The following SMC1B variants were observed in gnomAD, a reference collection of about 807,000 sequenced individuals.
SMC1B encodes the protein structural maintenance of chromosomes protein 1B.
In SMC1B, 60 loss-of-function variants were observed where a neutral mutation model predicts 157.9. That is an observed-to-expected ratio of 0.38 (90% CI 0.31 to 0.47). SMC1B has a LOEUF of 0.47. Among genes scored for constraint, SMC1B ranks in the 20% least tolerant of loss-of-function variants. The pLI, the probability that SMC1B is intolerant of heterozygous loss-of-function variation, is 0.99. For synonymous variants in SMC1B, 445 were observed against 483.0 expected, an observed-to-expected ratio of 0.92 and a Z score of 1.03; for missense variants, 1,165 against 1,426.2, an observed-to-expected ratio of 0.82 and a Z score of 2.95.
intron 24 of SMC1B, 21 bp downstream of exon 24, chr22:45,345,438 T>C: frequency 1.3e-6 from 2 of 1,542,704 alleles, no homozygotes; most frequent in South Asian, 2.2e-5. Flanking sequence ...TACACTCCTC[T>C]CGCCTCTGAT....
chr22:45,413,367 C>T lies in SMC1B; in HGVS notation c.109+92G>A. 5.0e-6 allele frequency: 5 copies of T among 1,008,716 alleles called. 1 individual carries two copies. Among genetic ancestry groups the T allele is most frequent in the Admixed American group, 2.9e-5 (1 of 34,878 alleles). 62.5% of individuals were successfully genotyped at this position (1,008,716 alleles called of 1,614,324 possible). ...GGAAGGGGAAGGCCGGCCAGGCGCCCGCGGCAGACGCCCACACCCCACAGG... is the reference window on the plus strand; with the variant it reads ...GGAAGGGGAAGGCCGGCCAGGCGCCTGCGGCAGACGCCCACACCCCACAGG... On this transcript the variant is annotated intron_variant, in intron 1 of 24. Coordinates refer to ENST00000357450, the MANE Select transcript of SMC1B (RefSeq NM_148674.5).
intron 5 of SMC1B, among the ~76,000 whole-genome samples, chr22:45,401,061 A>G (rs905401210): frequency 5.3e-5 from 8 of 152,254 alleles, no homozygotes; most frequent in Admixed American, 2.0e-4. Flanking sequence ...GGATCATAAA[A>G]AGGACATTAG....
chr22:45,351,162 T>C (rs1467597288), intron 22 of SMC1B, among the ~76,000 whole-genome samples: 1 of 152,206 alleles, frequency 6.6e-6, no homozygotes, highest in Non-Finnish European at 1.5e-5. Flanking sequence ...CTATAGAACT[T>C]GTTACTTTCT....
intron 19 of SMC1B, among the ~76,000 whole-genome samples, chr22:45,357,562 T>C (rs1055895875): frequency 1.3e-5 from 2 of 152,306 alleles, no homozygotes; most frequent in South Asian, 2.1e-4. Flanking sequence ...TTAATATCCA[T>C]TGTGAATCTC....
intron 1 of SMC1B, 35 bp from the exon 2 acceptor site, chr22:45,408,933 T>C: frequency 7.4e-7 from 1 of 1,344,814 alleles, no homozygotes; most frequent in Non-Finnish European, 1.0e-6. Context: ...TTATTCATTC[T>C]TAATGATAAA....
At chr22:45,395,555 C>CT (rs1394051959) in intron 7 of SMC1B, among the ~76,000 whole-genome samples, 2 of 152,134 alleles carry the variant, frequency 1.3e-5, no homozygotes. Flanking sequence ...GACAAAAGCC[C>CT]TTAGATATAG....
At chr22:45,387,224 G>A (rs2086998888) in intron 10 of SMC1B, among the ~76,000 whole-genome samples, 178 bp from the exon 11 acceptor site, 1 of 152,194 alleles carries the variant, frequency 6.6e-6, no homozygotes, top group African/African-American at 2.4e-5. Flanking sequence ...GAGGTGGGCA[G>A]ATCACTTGAG....
intron 17 of SMC1B, among the ~76,000 whole-genome samples, chr22:45,361,256 T>C (rs780898376): frequency 4.6e-5 from 7 of 152,290 alleles, no homozygotes; most frequent in Non-Finnish European, 8.8e-5. Context: ...AAGACACCAA[T>C]GTCAAGGTAG....
intron 22 of SMC1B, 55 bp downstream of exon 22, chr22:45,352,396 A>T: frequency 6.6e-7 from 1 of 1,514,972 alleles, no homozygotes; most frequent in Non-Finnish European, 8.9e-7. Context: ...TTCTGTAGGA[A>T]GGTCCCCTTG....
At position 45,394,769 on chromosome 22, in the gene SMC1B, TAA is replaced by T; in HGVS notation, c.1255-4_1255-3del. 6.6e-7 allele frequency: 1 copy of T among 1,525,950 alleles called. No homozygotes were observed. The highest frequency in any genetic ancestry group is 1.2e-5 in the South Asian group (1 of 81,682). 94.5% of individuals were successfully genotyped at this position (1,525,950 alleles called of 1,614,324 possible). On this transcript the variant is annotated splice_region_variant and splice_polypyrimidine_tract_variant and intron_variant, in intron 7 of 24. Transcript: ENST00000357450. ...TTCTTTTATTTGTTTTAGATTTCCCTAAAAGAGGAAATAAAATCTAAAATCAA... is the reference window on the plus strand; with the variant it reads ...TTCTTTTATTTGTTTTAGATTTCCCTAAGAGGAAATAAAATCTAAAATCAA...
chr22:45,380,476 A>G (rs925277052), intron 12 of SMC1B, among the ~76,000 whole-genome samples: 1 of 152,106 alleles, frequency 6.6e-6, no homozygotes, highest in African/African-American at 2.4e-5. Context: ...GAGTCTATCT[A>G]CTAAGTCTCT....
In SMC1B at chr22:45,359,932, A is replaced by T; in HGVS notation, c.2735T>A (p.Val912Asp). ...DREVGKLQKEVVSIQTSLEQK... is the reference protein window; with the variant it reads ...DREVGKLQKEDVSIQTSLEQK... ...TTCCAGAGAAGTTTGAATACTTACAACTTCTTTTTGCAATTTCCCCACTTC... is the reference window on the plus strand; with the variant it reads ...TTCCAGAGAAGTTTGAATACTTACATCTTCTTTTTGCAATTTCCCCACTTC... The change falls in exon 18 of 25, where the codon GTT (valine) becomes GAT (aspartate). Residue 912 changes from valine to aspartate, a missense_variant. Transcript: ENST00000357450. 6.2e-7 allele frequency: 1 copy of T among 1,613,870 alleles called. No individual in the cohort carries two copies. Among genetic ancestry groups the T allele is most frequent in the Non-Finnish European group, 8.5e-7 (1 of 1,179,876 alleles).
rs761827504 is a variant in SMC1B, at chr22:45,413,496, G to T, written c.72C>A (p.Phe24Leu). Residue 24 changes from phenylalanine (F) to leucine (L), a missense_variant, in exon 1 of 25, where the codon TTC becomes TTA. Physicochemically the swap from Phe to Leu is conservative, Grantham distance 22. Coordinates refer to ENST00000357450, the MANE Select transcript of SMC1B (RefSeq NM_148674.5). ...GGCCGATGATGCAGGTGAACCTCCG[G>T]AAGGGGCCAATGACCTGGCGGCCCC... The part of the protein sequence containing the change: ...SWRGRQVIGP[F>L]RRFTCIIGPN... 3.3e-5 allele frequency: 53 copies of T among 1,610,396 alleles called. No homozygotes were observed.
intron 1 of SMC1B, among the ~76,000 whole-genome samples, chr22:45,412,901 C>A (rs148291979): frequency 6.6e-6 from 1 of 152,196 alleles, no homozygotes; most frequent in African/African-American, 2.4e-5. Context: ...ATTACCTCCT[C>A]GACAGCTCCC....
At position 45,389,732 on chromosome 22, in the gene SMC1B, G is replaced by A. The variant is rs752366509; in HGVS notation, c.1711C>T (p.Leu571Phe). 6 of 1,613,820 alleles carry A rather than the reference G, an allele frequency of 3.7e-6. No homozygotes were observed. The African/African-American group carries it at 6.7e-5, about 18-fold the overall frequency. Residue 571 changes from leucine to phenylalanine, a missense_variant, in exon 10 of 25, where the codon CTC (leucine) becomes TTC (phenylalanine). By Grantham distance (22) the Leu-to-Phe change is conservative. Transcript: ENST00000357450. Reference protein sequence around the residue: ...KEERAEPETFLALDYLDIKPI... With the variant: ...KEERAEPETFFALDYLDIKPI... ...CTTACATCAAGGTAATCTAGAGCGA[G>A]GAATGTCTCAGGTTCAGCTCTTTCC...
intron 19 of SMC1B, among the ~76,000 whole-genome samples, chr22:45,356,890 C>T (rs746327380): frequency 2.6e-5 from 4 of 151,788 alleles, no homozygotes; most frequent in Admixed American, 6.6e-5. Flanking sequence ...CCACTGTGCC[C>T]GGCTAATTTT....
chr22:45,401,100 A>C (rs1196345757), intron 5 of SMC1B, among the ~76,000 whole-genome samples: 1 of 152,238 alleles, frequency 6.6e-6, no homozygotes, highest in Non-Finnish European at 1.5e-5. Context: ...TGTATAAAGT[A>C]TGGACTTTAG....
At position 45,406,600 on chromosome 22, in the gene SMC1B, T is replaced by C; in HGVS notation, c.475A>G (p.Ser159Gly). Residue 159 changes from serine to glycine, a missense_variant, in exon 4 of 25, where the codon AGC becomes GGC. Ser to Gly is a moderately conservative substitution (Grantham distance 56). Transcript: ENST00000357450. ...TCTCCTATAAGCTCTCCTGAAGTGC[T>C]GATTTCCTCAAAAAACTGGGTCCTT... ...KERTQFFEEI[S>G]TSGELIGEYE... The C allele has an allele frequency of 1.2e-6, 2 of 1,613,766 alleles. No homozygotes were observed. The highest frequency in any genetic ancestry group is 8.5e-7 in the Non-Finnish European group (1 of 1,179,940).
rs537284185 is a variant in SMC1B, at chr22:45,405,232, G to A, written c.615+1228C>T. ...AAGCATAGGAAGTTAAGGCTCAAGA[G>A]GTAAACAGAGACAAGGCTAGTACGC... On this transcript the variant is annotated intron_variant, in intron 4 of 24. Transcript: ENST00000357450. Among the ~76,000 whole-genome samples, 4 of 152,232 alleles carry A rather than the reference G, an allele frequency of 2.6e-5. No individual in the cohort carries two copies. In the South Asian group the frequency reaches 6.2e-4, roughly 24 times the overall value.
Sources: gnomAD v4.1 joint callset for allele counts (sites outside exome capture counted in the v4.1 genomes callset) on GRCh38, gnomAD v4.1.1 for gene constraint, MANE v1.5 for transcripts, NCBI Gene and HGNC (gene_info 2026-07-23, HGNC 2026-07-21) for gene names.